HEMK2: variants seen among roughly 807,000 people sequenced by gnomAD.
HEMK2 encodes methyltransferase HEMK2.
At chr21:28,710,472 A>G in the HEMK2 span, among the ~76,000 whole-genome samples, 1 of 152,212 alleles carries the variant, frequency 6.6e-6, no homozygotes, top group African/African-American at 2.4e-5. Flanking sequence ...AAAAGAATCT[A>G]TATGCTTTTC....
the HEMK2 span, among the ~76,000 whole-genome samples, chr21:28,791,207 A>T: frequency 6.6e-6 from 1 of 152,184 alleles, no homozygotes; most frequent in Admixed American, 6.5e-5. Flanking sequence ...CTGTGTGGGT[A>T]GAACACAGGC....
chr21:28,795,089 T>C, the HEMK2 span, among the ~76,000 whole-genome samples: 1 of 152,212 alleles, frequency 6.6e-6, no homozygotes, highest in Non-Finnish European at 1.5e-5. Context: ...ATGAACAATA[T>C]CCCTATGAGA....
chr21:28,832,995 C>A, the HEMK2 span, among the ~76,000 whole-genome samples: 20 of 152,186 alleles, frequency 1.3e-4, no homozygotes, highest in Non-Finnish European at 1.5e-5. Flanking sequence ...TTCATAACAA[C>A]CTAGTAGGTC....
the HEMK2 span, among the ~76,000 whole-genome samples, chr21:28,709,044 A>T: frequency 6.6e-6 from 1 of 152,130 alleles, no homozygotes; most frequent in Non-Finnish European, 1.5e-5. Flanking sequence ...ACTGTCATCA[A>T]CTTGTTCTAT....
the HEMK2 span, among the ~76,000 whole-genome samples, chr21:28,834,689 A>G: frequency 6.6e-6 from 1 of 152,188 alleles, no homozygotes; most frequent in African/African-American, 2.4e-5. Context: ...GCAGACTCCA[A>G]AGGCAAGGGA....
the HEMK2 span, among the ~76,000 whole-genome samples, chr21:28,871,274 A>G: frequency 6.6e-6 from 1 of 152,196 alleles, no homozygotes; most frequent in Non-Finnish European, 1.5e-5. Context: ...TACAGGAAGC[A>G]TGGCTGGGGA....
the HEMK2 span, among the ~76,000 whole-genome samples, chr21:28,646,478 T>G: frequency 6.6e-6 from 1 of 152,224 alleles, no homozygotes; most frequent in Admixed American, 6.5e-5. Context: ...TTGACCCAAA[T>G]AACTCTCTCA....
the HEMK2 span, among the ~76,000 whole-genome samples, chr21:28,688,892 G>A: frequency 6.6e-6 from 1 of 152,086 alleles, no homozygotes; most frequent in Admixed American, 6.6e-5. Context: ...ATCTACAAGT[G>A]GTGATATGTG....
chr21:28,883,791 C>T, the HEMK2 span, among the ~76,000 whole-genome samples: 1 of 152,158 alleles, frequency 6.6e-6, no homozygotes, highest in African/African-American at 2.4e-5. Context: ...GCCATCACAG[C>T]TCACTGCTGC....
the HEMK2 span, among the ~76,000 whole-genome samples, chr21:28,588,739 GGAGGTCGGATCAC>G: frequency 2.0e-5 from 3 of 152,252 alleles, no homozygotes; most frequent in East Asian, 1.9e-4. Flanking sequence ...GGGAGGCCGA[GGAGGTCGGATCAC>G]GAGGTCGGAT....
the HEMK2 span, among the ~76,000 whole-genome samples, chr21:28,650,630 T>C: frequency 6.6e-6 from 1 of 152,044 alleles, no homozygotes; most frequent in African/African-American, 2.4e-5. Flanking sequence ...GGAGCAACTG[T>C]GTGAGATGAG....
At chr21:28,810,186 C>T in the HEMK2 span, among the ~76,000 whole-genome samples, 5 of 152,164 alleles carry the variant, frequency 3.3e-5, no homozygotes, top group Middle Eastern at 3.4e-3. Flanking sequence ...TAGATTAGGT[C>T]CCCCCAATAG....
chr21:28,838,972 A>AAAAAATATATATATAT, the HEMK2 span, among the ~76,000 whole-genome samples: 7 of 29,156 alleles, frequency 2.4e-4, no homozygotes, highest in South Asian at 1.5e-3. Context: ...AAAAAAAAAA[A>AAAAAATATATATATAT]ATATATATAT....
chr21:28,638,533 T>G, the HEMK2 span, among the ~76,000 whole-genome samples: 1 of 151,978 alleles, frequency 6.6e-6, no homozygotes, highest in African/African-American at 2.4e-5. Flanking sequence ...AGGACATGTC[T>G]GATTTTGTTT....
the HEMK2 span, among the ~76,000 whole-genome samples, chr21:28,725,500 T>C: frequency 1.3e-5 from 2 of 152,160 alleles, no homozygotes; most frequent in Non-Finnish European, 2.9e-5. Flanking sequence ...TGGAGGGAAC[T>C]TGATGAAATC....
the HEMK2 span, among the ~76,000 whole-genome samples, chr21:28,607,181 C>T: frequency 3.3e-5 from 5 of 152,034 alleles, no homozygotes; most frequent in East Asian, 1.9e-4. Context: ...GAGGCCAAAG[C>T]GGGTGGATTG....
At chr21:28,715,944 T>G in the HEMK2 span, among the ~76,000 whole-genome samples, 1 of 152,152 alleles carries the variant, frequency 6.6e-6, no homozygotes, top group Non-Finnish European at 1.5e-5. Context: ...GAAGATCAGA[T>G]GATTGTACGC....
At chr21:28,678,868 C>G in the HEMK2 span, among the ~76,000 whole-genome samples, 2 of 152,162 alleles carry the variant, frequency 1.3e-5, no homozygotes, top group African/African-American at 4.8e-5. Context: ...ACCACCAGGC[C>G]TGCCCTAAAA....
the HEMK2 span, among the ~76,000 whole-genome samples, chr21:28,818,922 T>C: frequency 3.3e-5 from 5 of 152,202 alleles, no homozygotes; most frequent in Non-Finnish European, 5.9e-5. Flanking sequence ...CAGAGGAATG[T>C]TCTGGCTAAT....
Sources: allele counts gnomAD v4.1 joint callset (sites outside exome capture counted in the v4.1 genomes callset), GRCh38; gene constraint gnomAD v4.1.1; transcripts MANE v1.5; gene names NCBI Gene and HGNC (gene_info 2026-07-23, HGNC 2026-07-21).